Variants in IGSF10 observed in about 807,000 individuals in gnomAD.
IGSF10 encodes immunoglobulin superfamily member 10, also known as calvaria mechanical force protein 608.
A neutral mutation model predicts 128.2 loss-of-function variants in IGSF10; 126 were observed. That is an observed-to-expected ratio of 0.98 (90% CI 0.85 to 1.14). The LOEUF (loss-of-function observed/expected upper bound fraction) is 1.14, where lower values mean the gene tolerates loss of function less well. Among genes scored for constraint, IGSF10 ranks in the 50% most tolerant of loss-of-function variants. The pLI, the probability that IGSF10 is intolerant of heterozygous loss-of-function variation, is 0.00. For missense variants in IGSF10, 3,295 were observed against 3,149.8 expected (o/e 1.05, Z -1.10); for synonymous variants, 1,185 against 1,146.2 (o/e 1.03, Z -0.68).
At chr3:151,432,708 A>G, downstream of IGSF10, 2 of 1,473,102 alleles carry the variant, frequency 1.4e-6, no homozygotes, top group Non-Finnish European at 1.9e-6. Flanking sequence ...TCTGTGCAAT[A>G]GTTTTGTGTC....
Position 151,449,213 on chromosome 3 carries a change from T to C in IGSF10, c.768A>G (p.Pro256=). 1 of 1,613,866 alleles carries C rather than the reference T, an allele frequency of 6.2e-7. No individual in the cohort carries two copies. Among genetic ancestry groups the C allele is most frequent in the South Asian group, 1.1e-5 (1 of 91,052 alleles). The change falls in exon 6 of 8, where the codon CCA becomes CCG. Residue 256 remains proline, a synonymous_variant. Transcript: ENST00000282466. ...DRSPSSAQQC[P]LCMNPRTSKG... ...TAGAAGTCCTAGGGTTCATGCAAAG[T>C]GGACACTGCTGAGCACTAGAGGGAC... is the stretch of plus-strand genomic sequence containing the variant.
At chr3:151,508,288 G>A in the IGSF10 span, among the ~76,000 whole-genome samples, 1 of 152,048 alleles carries the variant, frequency 6.6e-6, no homozygotes, top group Admixed American at 6.5e-5. Flanking sequence ...AAAATGAAAG[G>A]TTTATGGAAA....
chr3:151,523,937 T>C, the IGSF10 span, among the ~76,000 whole-genome samples: 3 of 152,080 alleles, frequency 2.0e-5, no homozygotes, highest in Non-Finnish European at 4.4e-5. Flanking sequence ...CCAGCATCTA[T>C]AAGGAACTTA....
the IGSF10 span, among the ~76,000 whole-genome samples, chr3:151,534,251 C>T: frequency 6.6e-6 from 1 of 152,132 alleles, no homozygotes; most frequent in Non-Finnish European, 1.5e-5. Flanking sequence ...TGTGGTGATT[C>T]CTCAAGGACC....
the IGSF10 span, among the ~76,000 whole-genome samples, chr3:151,598,942 G>C: frequency 6.6e-6 from 1 of 152,176 alleles, no homozygotes; most frequent in African/African-American, 2.4e-5. Flanking sequence ...GCCAGGGAAA[G>C]AGGAACTAGA....
chr3:151,557,757 C>T, the IGSF10 span, among the ~76,000 whole-genome samples: 1 of 151,334 alleles, frequency 6.6e-6, no homozygotes, highest in South Asian at 2.1e-4. Flanking sequence ...TCCCTGTGTG[C>T]AAATAGTGGC....
At chr3:151,494,126 T>C in the IGSF10 span, among the ~76,000 whole-genome samples, 1 of 152,112 alleles carries the variant, frequency 6.6e-6, no homozygotes, top group Non-Finnish European at 1.5e-5. Context: ...ATACCACATC[T>C]ACAACTCAAC....
chr3:151,490,148 A>C, the IGSF10 span, among the ~76,000 whole-genome samples: 1 of 152,180 alleles, frequency 6.6e-6, no homozygotes, highest in African/African-American at 2.4e-5. Context: ...CAAAAGACTC[A>C]CTTAAGCTTT....
At chr3:151,479,891 C>G in the IGSF10 span, among the ~76,000 whole-genome samples, 1 of 151,870 alleles carries the variant, frequency 6.6e-6, no homozygotes, top group African/African-American at 2.4e-5. Flanking sequence ...TCTATAGAAA[C>G]TTATTATCAT....
downstream of IGSF10, chr3:151,435,062 C>CTTTTTTTTTTTTTTTTTTTT (rs66791814): frequency 9.2e-5 from 11 of 119,084 alleles, 1 homozygote; most frequent in Non-Finnish European, 1.7e-4. Context: ...TGAGAGGTTT[C>CTTTTTTTTTTTTTTTTTTTT]TTTTTTTTTT....
At chr3:151,483,850 G>A in the IGSF10 span, among the ~76,000 whole-genome samples, 1 of 152,196 alleles carries the variant, frequency 6.6e-6, no homozygotes, top group Admixed American at 6.5e-5. Context: ...TAGGGCCCTG[G>A]GTTTCCAGCA....
intron 3 of IGSF10, 36 bp from the exon 4 acceptor site, chr3:151,457,191 G>A (rs771029377): frequency 1.1e-4 from 180 of 1,606,780 alleles, no homozygotes; most frequent in Non-Finnish European, 1.4e-4. Flanking sequence ...CATAAGCTAA[G>A]TCTGTCAACT....
At chr3:151,450,477 G>A (rs1028395941) in intron 5 of IGSF10, among the ~76,000 whole-genome samples, 11 of 152,158 alleles carry the variant, frequency 7.2e-5, no homozygotes, top group Non-Finnish European at 1.0e-4. Flanking sequence ...ACTCTTCTGC[G>A]TGTACTACAG....
chr3:151,533,603 G>T, the IGSF10 span, among the ~76,000 whole-genome samples: 1 of 152,120 alleles, frequency 6.6e-6, no homozygotes, highest in African/African-American at 2.4e-5. Flanking sequence ...CTAGCCATAC[G>T]CAGAAAGCTG....
the IGSF10 span, among the ~76,000 whole-genome samples, chr3:151,593,039 A>G: frequency 5.4e-4 from 82 of 152,316 alleles, no homozygotes; most frequent in African/African-American, 1.7e-3. Context: ...CCATTAGTCA[A>G]TTTGACAGAC....
Position 151,445,583 on chromosome 3 carries a change from C to G in IGSF10, c.4398G>C (p.Leu1466Phe), listed in dbSNP as rs763231595. 2 of 1,614,002 alleles carry G rather than the reference C, an allele frequency of 1.2e-6. No homozygotes were observed. Among genetic ancestry groups the G allele is most frequent in the Non-Finnish European group, 1.7e-6 (2 of 1,180,016 alleles). Residue 1466 changes from leucine (L) to phenylalanine (F), a missense_variant, in exon 6 of 8, where the codon TTG becomes TTC. Coordinates refer to ENST00000282466, the MANE Select transcript of IGSF10 (RefSeq NM_178822.5). ...IIRHSTIPPF[L>F]SSSATLMPVP... ...CTGGCATTAGAGTAGCACTGCTGCT[C>G]AAGAATGGTGGTATGGTTGAGTGTC... is the stretch of plus-strand genomic sequence containing the variant.
At position 151,453,383 on chromosome 3, in the gene IGSF10, C is replaced by A. The variant is rs748018514; in HGVS notation, c.715+1G>T. The A allele has an allele frequency of 3.2e-6, 5 of 1,574,882 alleles. No homozygotes were observed. In the East Asian group the frequency reaches 1.1e-4, roughly 35 times the overall value. Reference sequence around the variant, plus strand: ...GACAAAAAAATAAACAATATAGATACCTGGCTTCTCCTGTATCCAGTCAGA... The same window carrying A: ...GACAAAAAAATAAACAATATAGATAACTGGCTTCTCCTGTATCCAGTCAGA... On this transcript the variant is annotated splice_donor_variant, in intron 5 of 7. Transcript: ENST00000282466. LOFTEE classifies it high-confidence loss of function.
chr3:151,570,686 C>T, the IGSF10 span, among the ~76,000 whole-genome samples: 2 of 152,128 alleles, frequency 1.3e-5, no homozygotes, highest in Non-Finnish European at 2.9e-5. Flanking sequence ...CTGTATGTTG[C>T]CTGTTCACTC....
chr3:151,469,861 T>C, the IGSF10 span, among the ~76,000 whole-genome samples: 375 of 152,324 alleles, frequency 2.5e-3, 1 homozygote, highest in African/African-American at 8.2e-3. Flanking sequence ...AAGGATGAGG[T>C]TGAAGATTTG....
Sources: gnomAD v4.1 joint callset for allele counts (sites outside exome capture counted in the v4.1 genomes callset) on GRCh38, gnomAD v4.1.1 for gene constraint, MANE v1.5 for transcripts, NCBI Gene and HGNC (gene_info 2026-07-23, HGNC 2026-07-21) for gene names.